LVRN: variants seen among roughly 807,000 people sequenced by gnomAD.
LVRN encodes the protein laeverin.
In LVRN, 99 loss-of-function variants were observed where a neutral mutation model predicts 111.4. The observed-to-expected ratio is 0.89, with a 90% confidence interval of 0.76 to 1.05. The LOEUF (loss-of-function observed/expected upper bound fraction) is 1.05. Among genes scored for constraint, LVRN ranks in the 50% least tolerant of loss-of-function variants. LVRN has a pLI of 0.00. For missense variants in LVRN, 1,414 were observed against 1,206.8 expected (o/e 1.17, Z -2.54); for synonymous variants, 488 against 449.5 (o/e 1.09, Z -1.08).
intron 12 of LVRN, among the ~76,000 whole-genome samples, chr5:116,005,098 G>T (rs1269574278): frequency 2.0e-5 from 3 of 152,148 alleles, no homozygotes; most frequent in African/African-American, 7.2e-5. Context: ...GACATAATTG[G>T]TGAGCAAATA....
At position 116,001,374 on chromosome 5, in the gene LVRN, TGAAG is replaced by T. The variant is rs1354786858; in HGVS notation, c.1820+136_1820+139del. 110 of 1,031,954 alleles carry T rather than the reference TGAAG, an allele frequency of 1.1e-4. 1 individual carries two copies. The Admixed American group carries it at 2.4e-3, about 22-fold the overall frequency. 63.9% of individuals were successfully genotyped at this position (1,031,954 alleles called of 1,614,324 possible). On this transcript the variant is annotated intron_variant, in intron 10 of 19. Coordinates refer to ENST00000357872, the MANE Select transcript of LVRN (RefSeq NM_173800.5). ...TCTGCAATGTGACTGTGTACTAGGG[TGAAG>T]CAGAGCCCTTGTGTCCGGGCAACGC...
intron 14 of LVRN, among the ~76,000 whole-genome samples, chr5:116,012,008 C>T (rs1748500809): frequency 6.6e-6 from 1 of 151,926 alleles, no homozygotes; most frequent in African/African-American, 2.4e-5. Context: ...TATATTTTTA[C>T]ATTTCTTCTC....
At chr5:115,988,276 G>A (rs1328533172) in intron 4 of LVRN, among the ~76,000 whole-genome samples, 1 of 151,686 alleles carries the variant, frequency 6.6e-6, no homozygotes, top group African/African-American at 2.4e-5. Flanking sequence ...GCAGTGCTGA[G>A]TCTGGATCAC....
intron 13 of LVRN, among the ~76,000 whole-genome samples, chr5:116,006,368 C>T (rs1426834110): frequency 6.6e-6 from 1 of 151,856 alleles, no homozygotes; most frequent in East Asian, 1.9e-4. Flanking sequence ...ATATGTAATA[C>T]ATTATCTAGT....
rs1748230213 is a variant in LVRN, at chr5:116,001,174, T to C, written c.1755T>C (p.Thr585=). The change falls in exon 10 of 20, where the codon ACT becomes ACC. Residue 585 remains threonine, a synonymous_variant. Transcript: ENST00000357872. ...CAGTGATCACTTTAAATGTGTCTAC[T>C]GGCGTCATGAAACAGGAGCCATTTT... ...GFPVITLNVS[T]GVMKQEPFYL... 5 of 1,614,100 alleles carry C rather than the reference T, an allele frequency of 3.1e-6. No homozygotes were observed. Among genetic ancestry groups the C allele is most frequent in the South Asian group, 2.2e-5 (2 of 91,038 alleles).
At chr5:116,020,877 T>C (rs1275038020) in intron 18 of LVRN, 2 of 152,228 alleles carry the variant, frequency 1.3e-5, no homozygotes, top group Non-Finnish European at 2.9e-5. Context: ...TTAGATGTTA[T>C]CAACTTTTTA....
chr5:115,979,459 A>G (rs554148540), intron 1 of LVRN, among the ~76,000 whole-genome samples: 7 of 151,978 alleles, frequency 4.6e-5, no homozygotes, highest in African/African-American at 1.5e-4. Context: ...CTCCATCAAG[A>G]GATAGCTTCT....
At chr5:115,993,916 C>A in intron 6 of LVRN, 62 bp downstream of exon 6, 1 of 966,982 alleles carries the variant, frequency 1.0e-6, no homozygotes, top group South Asian at 2.0e-5. Flanking sequence ...AATGCATATT[C>A]ATTCTTGAAA....
At chr5:116,004,910 C>T (rs1479298615) in intron 12 of LVRN, among the ~76,000 whole-genome samples, 14 of 152,126 alleles carry the variant, frequency 9.2e-5, no homozygotes. Context: ...TTGAATAAAA[C>T]TACAAAGGCC....
chr5:116,000,524 T>C (rs772379075), intron 8 of LVRN, 26 bp downstream of exon 8: 3 of 1,613,318 alleles, frequency 1.9e-6, no homozygotes, highest in Non-Finnish European at 2.5e-6. Context: ...AGTCGTTACC[T>C]GGATGGCAGT....
intron 1 of LVRN, 142 bp downstream of exon 1, chr5:115,963,454 T>A: frequency 1.7e-6 from 1 of 589,924 alleles, no homozygotes; most frequent in South Asian, 3.0e-5. Context: ...TCTTTTTTCT[T>A]TTTATTTATT....
intron 1 of LVRN, among the ~76,000 whole-genome samples, chr5:115,978,601 A>G (rs975980051): frequency 6.6e-5 from 10 of 152,140 alleles, no homozygotes; most frequent in Non-Finnish European, 1.5e-4. Context: ...CCTGTGTAAT[A>G]TTCAAACCTT....
In LVRN at chr5:115,963,019, G is replaced by C. The variant is rs769874025; in HGVS notation, c.402G>C (p.Thr134=). Residue 134 remains threonine (T), a synonymous_variant, in exon 1 of 20, where the codon ACG becomes ACC. Transcript: ENST00000357872. ...SLPFTGRVNI[T]VRCTVATSRL... is the part of the protein sequence containing the mutation. ...CCTTCACTGGCCGCGTGAACATCAC[G>C]GTGCGCTGCACGGTGGCCACCTCTC... is the stretch of plus-strand genomic sequence containing the variant. The C allele has an allele frequency of 6.2e-7, 1 of 1,613,490 alleles. No homozygotes were observed. The highest frequency in any genetic ancestry group is 2.2e-5 in the East Asian group (1 of 44,876).
intron 15 of LVRN, among the ~76,000 whole-genome samples, chr5:116,013,871 A>G (rs1748542292): frequency 6.6e-6 from 1 of 152,192 alleles, no homozygotes; most frequent in African/African-American, 2.4e-5. Flanking sequence ...CTGTGAAAAC[A>G]AATCAAACCA....
chr5:116,012,584 T>C, intron 15 of LVRN, 116 bp downstream of exon 15: 1 of 643,208 alleles, frequency 1.6e-6, no homozygotes, highest in East Asian at 3.2e-5. Context: ...TTATATGCTA[T>C]TATTATTTGA....
At chr5:116,015,075 T>C (rs1748571052) in intron 16 of LVRN, among the ~76,000 whole-genome samples, 177 bp from the exon 17 acceptor site, 1 of 152,176 alleles carries the variant, frequency 6.6e-6, no homozygotes, top group South Asian at 2.1e-4. Flanking sequence ...AATTTGATGA[T>C]CTCTTCTCAT....
chr5:116,003,569 T>G (rs577835044), intron 12 of LVRN, among the ~76,000 whole-genome samples, 189 bp downstream of exon 12: 5 of 121,126 alleles, frequency 4.1e-5, no homozygotes, highest in African/African-American at 9.8e-5. Flanking sequence ...GTCTGTGTGG[T>G]TTTTTTTTGT....
chr5:116,005,688 A>G (rs1748352317), intron 12 of LVRN: 1 of 591,286 alleles, frequency 1.7e-6, no homozygotes, highest in Non-Finnish European at 3.1e-6. Flanking sequence ...TGCCATATTT[A>G]AACCTTATGA....
At chr5:115,979,864 T>C (rs1423441122) in intron 1 of LVRN, among the ~76,000 whole-genome samples, 1 of 152,208 alleles carries the variant, frequency 6.6e-6, no homozygotes, top group Non-Finnish European at 1.5e-5. Flanking sequence ...GCTGTAGACA[T>C]ACAAAGTTCA....
Sources: gnomAD v4.1 joint callset for allele counts (sites outside exome capture counted in the v4.1 genomes callset) on GRCh38, gnomAD v4.1.1 for gene constraint, MANE v1.5 for transcripts, NCBI Gene and HGNC (gene_info 2026-07-23, HGNC 2026-07-21) for gene names.